The following OSBP2 variants were observed in gnomAD, a reference collection of about 807,000 sequenced individuals.
OSBP2 encodes the protein oxysterol binding protein 2, also known as oxysterol-binding protein 2.
A neutral mutation model predicts 96.0 loss-of-function variants in OSBP2; 66 were observed. That is an observed-to-expected ratio of 0.69 (90% confidence interval 0.56 to 0.84). The LOEUF is 0.84. Among genes scored for constraint, OSBP2 ranks in the 40% least tolerant of loss-of-function variants. OSBP2 has a pLI of 0.00. For missense variants in OSBP2, 1,038 were observed against 1,222.7 expected, an observed-to-expected ratio of 0.85 and a Z score of 2.25; for synonymous variants, 525 against 520.9, an observed-to-expected ratio of 1.01 and a Z score of -0.11.
chr22:30,825,252 C>T (rs2038372872), intron 2 of OSBP2, among the ~76,000 whole-genome samples: 1 of 152,176 alleles, frequency 6.6e-6, no homozygotes, highest in Non-Finnish European at 1.5e-5. Context: ...TTTTGGGAAG[C>T]TGAGGTGGGA....
chr22:30,770,959 A>T (rs1033474349), intron 2 of OSBP2, among the ~76,000 whole-genome samples: 1 of 152,174 alleles, frequency 6.6e-6, no homozygotes, highest in East Asian at 1.9e-4. Flanking sequence ...ATCTCGGCTC[A>T]TTGCAACTTG....
chr22:30,758,576 C>T (rs1013713377), intron 2 of OSBP2, among the ~76,000 whole-genome samples: 2 of 151,928 alleles, frequency 1.3e-5, no homozygotes, highest in Non-Finnish European at 2.9e-5. Context: ...CAGGGGAGAC[C>T]CAGAAGTGAG....
At chr22:30,703,588 G>C (rs1282450999) in intron 1 of OSBP2, among the ~76,000 whole-genome samples, 1 of 151,618 alleles carries the variant, frequency 6.6e-6, no homozygotes, top group East Asian at 1.9e-4. Flanking sequence ...CAATTCTCCT[G>C]TCTTAGTCTC....
intron 2 of OSBP2, among the ~76,000 whole-genome samples, chr22:30,833,078 C>T (rs2038562169): frequency 6.6e-6 from 1 of 152,128 alleles, no homozygotes; most frequent in Non-Finnish European, 1.5e-5. Context: ...GATTCAGTCA[C>T]CCATATGAAA....
upstream of OSBP2, chr22:30,694,127 G>T: frequency 6.5e-7 from 1 of 1,549,318 alleles, no homozygotes; most frequent in South Asian, 1.2e-5. Flanking sequence ...ATCCCGGGAG[G>T]TCCAAGTTCA....
At chr22:30,835,462 G>A (rs1012203762) in intron 2 of OSBP2, among the ~76,000 whole-genome samples, 15 of 152,076 alleles carry the variant, frequency 9.9e-5, no homozygotes, top group Admixed American at 6.6e-5. Context: ...TTAATTTCTG[G>A]ATTTCTAGTT....
intron 2 of OSBP2, among the ~76,000 whole-genome samples, chr22:30,832,300 CTT>C (rs903004170): frequency 6.9e-6 from 1 of 145,846 alleles, no homozygotes. Flanking sequence ...TCTTTTCTTT[CTT>C]TTTTTTTTTA....
intron 1 of OSBP2, among the ~76,000 whole-genome samples, chr22:30,699,567 G>T (rs1240152548): frequency 1.3e-5 from 2 of 152,140 alleles, no homozygotes; most frequent in Admixed American, 6.6e-5. Context: ...TGCAAGACTT[G>T]GTATTGTCAG....
chr22:30,803,384 A>G (rs576813181), intron 2 of OSBP2, among the ~76,000 whole-genome samples: 13 of 152,300 alleles, frequency 8.5e-5, no homozygotes, highest in Non-Finnish European at 1.6e-4. Flanking sequence ...AAGCCAGGGG[A>G]CAAAGGGTTT....
At chr22:30,746,881 C>T (rs2090008551) in intron 2 of OSBP2, among the ~76,000 whole-genome samples, 1 of 152,158 alleles carries the variant, frequency 6.6e-6, no homozygotes, top group Non-Finnish European at 1.5e-5. Flanking sequence ...AAAGTATAAA[C>T]CATTATCCTT....
chr22:30,707,192 G>A (rs1196680196), intron 1 of OSBP2, among the ~76,000 whole-genome samples: 1 of 152,000 alleles, frequency 6.6e-6, no homozygotes, highest in African/African-American at 2.4e-5. Flanking sequence ...CGCCTCCCGT[G>A]TTCAAGCAAT....
Position 30,695,011 on chromosome 22 carries a change from G to A in OSBP2, c.102G>A (p.Thr34=). The change falls in exon 1 of 14, where the codon ACG becomes ACA. Residue 34 remains threonine (T), a synonymous_variant. Coordinates refer to ENST00000332585, the MANE Select transcript of OSBP2 (RefSeq NM_030758.4). ...FTVVPCLSCH[T]AAPGMSASTS... is the part of the protein sequence containing the mutation. Reference sequence around the variant, plus strand: ...TTGTCCCCTGCCTGTCGTGCCACACGGCGGCGCCGGGCATGAGCGCTTCCA... The same window carrying A: ...TTGTCCCCTGCCTGTCGTGCCACACAGCGGCGCCGGGCATGAGCGCTTCCA... 1 of 1,578,602 alleles carries A rather than the reference G, an allele frequency of 6.3e-7. No homozygotes were observed. Among genetic ancestry groups the A allele is most frequent in the Non-Finnish European group, 8.6e-7 (1 of 1,165,570 alleles).
rs1302033598 is a variant in OSBP2 at position 30,728,546 on chromosome 22, G to A, written c.645-12615G>A. Among the ~76,000 whole-genome samples the A allele has an allele frequency of 2.0e-5, 3 of 152,140 alleles. No homozygotes were observed. In the South Asian group the frequency reaches 6.2e-4, roughly 32 times the overall value. On this transcript the variant is annotated intron_variant, in intron 1 of 13. Transcript: ENST00000332585. ...GGGTCTAGCTGTGTTACCTAGGCTA[G>A]AGTACAGTGGTACAATCATAGCTTA...
At chr22:30,865,242 G>A (rs922409177) in intron 2 of OSBP2, among the ~76,000 whole-genome samples, 1 of 152,156 alleles carries the variant, frequency 6.6e-6, no homozygotes, top group African/African-American at 2.4e-5. Flanking sequence ...AGGGGTCAAG[G>A]AGATCCCTGA....
At chr22:30,852,884 G>T (rs188678477) in intron 2 of OSBP2, among the ~76,000 whole-genome samples, 31 of 152,066 alleles carry the variant, frequency 2.0e-4, no homozygotes, top group Non-Finnish European at 3.8e-4. Flanking sequence ...CAACCCATTG[G>T]CTATTGAAAA....
rs751456202 is a variant in OSBP2 at position 30,741,212 on chromosome 22, C to T, written c.696C>T (p.Thr232=). The T allele has an allele frequency of 2.5e-5, 40 of 1,614,180 alleles. No individual in the cohort carries two copies. Among genetic ancestry groups the T allele is most frequent in the African/African-American group, 4.0e-5 (3 of 75,066 alleles). Reference sequence around the variant, plus strand: ...GCCGTGGAACCATCAACCTGTCCACCGCGCACATTGACACGGAGGACTCTT... The same window carrying T: ...GCCGTGGAACCATCAACCTGTCCACTGCGCACATTGACACGGAGGACTCTT... The part of the protein sequence containing the change: ...HTCRGTINLS[T]AHIDTEDSCG... Residue 232 remains threonine (T), a synonymous_variant, in exon 2 of 14, where the codon ACC becomes ACT. Coordinates refer to ENST00000332585, the MANE Select transcript of OSBP2 (RefSeq NM_030758.4).
intron 2 of OSBP2, among the ~76,000 whole-genome samples, chr22:30,863,961 T>C (rs1379801012): frequency 1.5e-5 from 2 of 133,150 alleles, no homozygotes; most frequent in Middle Eastern, 3.6e-3. Context: ...GAAGCCATCA[T>C]GTTTTTTTTT....
chr22:30,826,504 C>T (rs1197155381), intron 2 of OSBP2, among the ~76,000 whole-genome samples: 3 of 152,156 alleles, frequency 2.0e-5, no homozygotes, highest in African/African-American at 7.2e-5. Context: ...CCTGAAGTTT[C>T]CCCCGACCTC....
At chr22:30,896,663 T>TTA in intron 12 of OSBP2, among the ~76,000 whole-genome samples, 1 of 151,264 alleles carries the variant, frequency 6.6e-6, no homozygotes, top group South Asian at 2.1e-4. Context: ...TTTTTTTTTT[T>TTA]AAGAGACAGA....
Sources: gnomAD v4.1 joint callset for allele counts (sites outside exome capture counted in the v4.1 genomes callset) on GRCh38, gnomAD v4.1.1 for gene constraint, MANE v1.5 for transcripts, NCBI Gene and HGNC (gene_info 2026-07-23, HGNC 2026-07-21) for gene names.